The following OR6C75 variants were observed in gnomAD, a reference collection of about 807,000 sequenced individuals.
OR6C75 encodes olfactory receptor family 6 subfamily C member 75.
For synonymous variants in OR6C75, 149 were observed against 130.6 expected (o/e 1.14, Z -0.96); for missense variants, 380 against 368.0 (o/e 1.03, Z -0.27).
Position 55,365,618 on chromosome 12 carries a change from A to G in OR6C75, c.508A>G (p.Asn170Asp), listed in dbSNP as rs1388225260. The change falls in exon 3 of 3, where the codon AAT becomes GAT. Residue 170 changes from asparagine to aspartate, a missense_variant. Transcript: ENST00000641576. ...GCTGCAGTTGGATTTCTGTGCCTCC[A>G]ATGTAATTGATCATTTTATCTGTGA... ...LLLQLDFCAS[N>D]VIDHFICDSS... 5.0e-6 allele frequency: 8 copies of G among 1,614,016 alleles called. No individual in the cohort carries two copies. Among genetic ancestry groups the G allele is most frequent in the Non-Finnish European group, 6.8e-6 (8 of 1,180,006 alleles).
At chr12:55,364,676 A>G (rs979763435) in intron 2 of OR6C75, among the ~76,000 whole-genome samples, 200 bp from the exon 3 acceptor site, 2 of 152,044 alleles carry the variant, frequency 1.3e-5, no homozygotes, top group Non-Finnish European at 1.5e-5. Context: ...TAATCTTTCT[A>G]TATGTGTATA....
chr12:55,366,718 G>C lies in OR6C75; in HGVS notation c.*669G>C, dbSNP rs1208204272. The C allele has an allele frequency of 2.0e-5, 3 of 152,056 alleles. No individual in the cohort carries two copies. The highest frequency in any genetic ancestry group is 2.9e-5 in the Non-Finnish European group (2 of 67,990). 9.4% of individuals were successfully genotyped at this position (152,056 alleles called of 1,614,324 possible). On this transcript the variant is annotated 3_prime_UTR_variant, in exon 3 of 3. Transcript: ENST00000641576. ...TAAAAGTGTAAGACAAATGTGCAGA[G>C]ATATTATCTCTGTTGTTTGAATTAA...
rs932824253 is a variant in OR6C75, at chr12:55,362,977, C to T, written c.-398C>T. ...ATCATTTCTTCTTACCTATCAAGCTCGGAAAGCCACTACATTAGCCTTCAT... is the reference window on the plus strand; with the variant it reads ...ATCATTTCTTCTTACCTATCAAGCTTGGAAAGCCACTACATTAGCCTTCAT... On this transcript the variant is annotated 5_prime_UTR_variant, in exon 1 of 3. Transcript: ENST00000641576. 6.6e-6 allele frequency: 1 copy of T among 152,068 alleles called. No homozygotes were observed. The highest frequency in any genetic ancestry group is 2.4e-5 in the African/African-American group (1 of 41,400). The allele number at this position is 152,068 out of a possible 1,614,324, so 9.4% of individuals were successfully genotyped here.
chr12:55,364,118 AC>A (rs1413531202), intron 2 of OR6C75, among the ~76,000 whole-genome samples: 1 of 150,250 alleles, frequency 6.7e-6, no homozygotes, highest in Non-Finnish European at 1.5e-5. Flanking sequence ...AGCTGGGACT[AC>A]AGGCGTGCGT....
At position 55,366,105 on chromosome 12, in the gene OR6C75, A is replaced by T; in HGVS notation, c.*56A>T. 1 of 1,003,996 alleles carries T rather than the reference A, an allele frequency of 1.0e-6. No homozygotes were observed. The highest frequency in any genetic ancestry group is 1.5e-6 in the Non-Finnish European group (1 of 685,068). The allele number at this position is 1,003,996 out of a possible 1,614,324, so 62.2% of individuals were successfully genotyped here. A position where few individuals can be genotyped will look rare whatever the true frequency, so the allele number is the denominator to read the frequency against. On this transcript the variant is annotated 3_prime_UTR_variant, in exon 3 of 3. Coordinates refer to ENST00000641576, the MANE Select transcript of OR6C75 (RefSeq NM_001005497.2). ...GGCAAAGCTGAATGAAAAACTCTCT[A>T]CCCTTCTCTACATGAACTCTTTCTA...
chr12:55,366,042 AT>A lies in OR6C75; in HGVS notation c.933del (p.Asn311LysfsTer30), dbSNP rs770935421. ...SMVQKMIFSL[N>X]K ...GTCCAGAAGATGATTTTTTCTTTAA[AT>A]AAATGAATGTGATTATGTAAAAAAT... On this transcript the variant is annotated frameshift_variant, in exon 3 of 3. Transcript: ENST00000641576. LOFTEE classifies it high-confidence loss of function. The A allele has an allele frequency of 1.3e-6, 2 of 1,554,798 alleles. No homozygotes were observed. Among genetic ancestry groups the A allele is most frequent in the South Asian group, 2.4e-5 (2 of 82,066 alleles).
chr12:55,365,060 T>C lies in OR6C75; in HGVS notation c.-51T>C. 7.9e-7 allele frequency: 1 copy of C among 1,266,258 alleles called. No homozygotes were observed. Among genetic ancestry groups the C allele is most frequent in the Non-Finnish European group, 1.1e-6 (1 of 898,366 alleles). 78.4% of individuals were successfully genotyped at this position (1,266,258 alleles called of 1,614,324 possible). On this transcript the variant is annotated 5_prime_UTR_variant, in exon 3 of 3. Transcript: ENST00000641576. ...ACTGGTGTCATAGTTTTCTGGTTTC[T>C]TCACCTATTTTACAGCGAAAATACA...
chr12:55,365,521 A>G lies in OR6C75; in HGVS notation c.411A>G (p.Arg137=). 6.2e-7 allele frequency: 1 copy of G among 1,614,002 alleles called. No homozygotes were observed. Among genetic ancestry groups the G allele is most frequent in the Non-Finnish European group, 8.5e-7 (1 of 1,179,974 alleles). ...PLHYTIIMST[R]VCTLLVFSSW... ...ATTACACAATCATCATGAGCACCAGAGTGTGTACCCTTCTTGTCTTTAGCT... is the reference window on the plus strand; with the variant it reads ...ATTACACAATCATCATGAGCACCAGGGTGTGTACCCTTCTTGTCTTTAGCT... The change falls in exon 3 of 3, where the codon AGA becomes AGG. Residue 137 remains arginine (R), a synonymous_variant. Coordinates refer to ENST00000641576, the MANE Select transcript of OR6C75 (RefSeq NM_001005497.2).
rs1214271797 is a variant in OR6C75 at position 55,367,325 on chromosome 12, C to T, written c.*1276C>T. 6.6e-6 allele frequency: 1 copy of T among 152,096 alleles called. No homozygotes were observed. The highest frequency in any genetic ancestry group is 2.4e-5 in the African/African-American group (1 of 41,420). 9.4% of individuals were successfully genotyped at this position (152,096 alleles called of 1,614,324 possible). A position where few individuals can be genotyped will look rare whatever the true frequency, so the allele number is the denominator to read the frequency against. ...CACCACGATCAAGTGGGCTTTAAAC[C>T]TGGATGCAAGGATGGTTTAACATAC... On this transcript the variant is annotated 3_prime_UTR_variant, in exon 3 of 3. Coordinates refer to ENST00000641576, the MANE Select transcript of OR6C75 (RefSeq NM_001005497.2).
In OR6C75 at chr12:55,365,151, G is replaced by C; in HGVS notation, c.41G>C (p.Gly14Ala). Residue 14 changes from glycine to alanine, a missense_variant, in exon 3 of 3, where the codon GGA (glycine) becomes GCA (alanine). Gly to Ala is a moderately conservative substitution (Grantham distance 60). Coordinates refer to ENST00000641576, the MANE Select transcript of OR6C75 (RefSeq NM_001005497.2). ...GCAGTAACAGACTTTATTCTTCTTG[G>C]ATTGACAAGTGACCCACAGTGGCAG... ...STAVTDFILLGLTSDPQWQVV... is the reference protein window; with the variant it reads ...STAVTDFILLALTSDPQWQVV... 6.2e-7 allele frequency: 1 copy of C among 1,612,870 alleles called. No individual in the cohort carries two copies. Among genetic ancestry groups the C allele is most frequent in the Non-Finnish European group, 8.5e-7 (1 of 1,179,620 alleles).
chr12:55,365,659 G>A lies in OR6C75; in HGVS notation c.549G>A (p.Leu183=), dbSNP rs553831468. ...TTATCTGTGACTCTTCTCCAATGCTGCAGCTCTCTTGCACAAACACTCACT... is the reference window on the plus strand; with the variant it reads ...TTATCTGTGACTCTTCTCCAATGCTACAGCTCTCTTGCACAAACACTCACT... ...DHFICDSSPM[L]QLSCTNTHFL... The change falls in exon 3 of 3, where the codon CTG becomes CTA. Residue 183 remains leucine, a synonymous_variant. Transcript: ENST00000641576. 6.8e-6 allele frequency: 11 copies of A among 1,613,912 alleles called. No homozygotes were observed. The highest frequency in any genetic ancestry group is 9.3e-6 in the Non-Finnish European group (11 of 1,180,016).
rs1203015051 is a variant in OR6C75 at position 55,364,915 on chromosome 12, AT to A, written c.-195del. 3 of 571,486 alleles carry A rather than the reference AT, an allele frequency of 5.2e-6. No individual in the cohort carries two copies. Among genetic ancestry groups the A allele is most frequent in the African/African-American group, 3.8e-5 (2 of 52,384 alleles). The allele number at this position is 571,486 out of a possible 1,614,324, so 35.4% of individuals were successfully genotyped here. ...GGATAGCTAGACACAATGGAATGTT[AT>A]CCAGCCTCATAAAAGAAGGAGATAC... On this transcript the variant is annotated 5_prime_UTR_variant, in exon 3 of 3. It introduces an in-frame stop codon into an upstream open reading frame of the 5' UTR. Coordinates refer to ENST00000641576, the MANE Select transcript of OR6C75 (RefSeq NM_001005497.2).
rs199638860 is a variant in OR6C75, at chr12:55,365,469, G to A, written c.359G>A (p.Arg120His). ...CTTCTGGCTGCCATGTCCTATGACC[G>A]CTGCATGGCCATCTGCAAACCTCTT... ...FYLLAAMSYD[R>H]CMAICKPLHY... is the part of the protein sequence containing the mutation. Residue 120 changes from arginine to histidine, a missense_variant, in exon 3 of 3, where the codon CGC becomes CAC. Physicochemically the swap from Arg to His is conservative, Grantham distance 29. Coordinates refer to ENST00000641576, the MANE Select transcript of OR6C75 (RefSeq NM_001005497.2). 38 of 1,613,796 alleles carry A rather than the reference G, an allele frequency of 2.4e-5. No homozygotes were observed. The highest frequency in any genetic ancestry group is 6.7e-5 in the East Asian group (3 of 44,886).
In OR6C75 at chr12:55,368,139, T is replaced by A. The variant is rs1869844693; in HGVS notation, c.*2090T>A. On this transcript the variant is annotated 3_prime_UTR_variant, in exon 3 of 3. Coordinates refer to ENST00000641576, the MANE Select transcript of OR6C75 (RefSeq NM_001005497.2). ...CTGCAGTGAGCTCTCATCATGCCAC[T>A]GCACTCCACCCTGGACAACAGAGTG... 6.6e-6 allele frequency: 1 copy of A among 152,124 alleles called. No individual in the cohort carries two copies. The highest frequency in any genetic ancestry group is 2.4e-5 in the African/African-American group (1 of 41,380). The allele number at this position is 152,124 out of a possible 1,614,324, so 9.4% of individuals were successfully genotyped here.
At position 55,366,876 on chromosome 12, in the gene OR6C75, C is replaced by A. The variant is rs1869817564; in HGVS notation, c.*827C>A. On this transcript the variant is annotated 3_prime_UTR_variant, in exon 3 of 3. Transcript: ENST00000641576. ...ATAGATTATTTAACAGAGAACTTTT[C>A]TGTTTCTGCCAATATTTTAAAAGAA... The A allele has an allele frequency of 6.6e-6, 1 of 152,022 alleles. No individual in the cohort carries two copies. The highest frequency in any genetic ancestry group is 6.6e-5 in the Admixed American group (1 of 15,242). 9.4% of individuals were successfully genotyped at this position (152,022 alleles called of 1,614,324 possible). A position where few individuals can be genotyped will look rare whatever the true frequency, so the allele number is the denominator to read the frequency against.
rs1416850285 is a variant in OR6C75, at chr12:55,368,569, A to T, written c.*2520A>T. ...AGCCAAGATTGCACCACTGCACTCCAGCCTGGGCGATAGAGCGAAACTCTA... is the reference window on the plus strand; with the variant it reads ...AGCCAAGATTGCACCACTGCACTCCTGCCTGGGCGATAGAGCGAAACTCTA... On this transcript the variant is annotated 3_prime_UTR_variant, in exon 3 of 3. Transcript: ENST00000641576. 6.6e-6 allele frequency: 1 copy of T among 152,244 alleles called. No individual in the cohort carries two copies. The highest frequency in any genetic ancestry group is 1.5e-5 in the Non-Finnish European group (1 of 68,046). The allele number at this position is 152,244 out of a possible 1,614,324, so 9.4% of individuals were successfully genotyped here. A position where few individuals can be genotyped will look rare whatever the true frequency, so the allele number is the denominator to read the frequency against.
At position 55,367,058 on chromosome 12, in the gene OR6C75, G is replaced by A. The variant is rs986523340; in HGVS notation, c.*1009G>A. ...TAAGGTATTCGGCGAATGATGACGT[G>A]GTTTATTAATGTCTTGGTTTTTCCT... On this transcript the variant is annotated 3_prime_UTR_variant, in exon 3 of 3. Transcript: ENST00000641576. 9.2e-5 allele frequency: 14 copies of A among 151,846 alleles called. No homozygotes were observed. Among genetic ancestry groups the A allele is most frequent in the African/African-American group, 3.4e-4 (14 of 41,334 alleles). 9.4% of individuals were successfully genotyped at this position (151,846 alleles called of 1,614,324 possible). A position where few individuals can be genotyped will look rare whatever the true frequency, so the allele number is the denominator to read the frequency against.
chr12:55,366,098 A>C lies in OR6C75; in HGVS notation c.*49A>C. 1 of 1,095,852 alleles carries C rather than the reference A, an allele frequency of 9.1e-7. No individual in the cohort carries two copies. Among genetic ancestry groups the C allele is most frequent in the Non-Finnish European group, 1.3e-6 (1 of 765,158 alleles). 67.9% of individuals were successfully genotyped at this position (1,095,852 alleles called of 1,614,324 possible). ...CCCCAAAGGCAAAGCTGAATGAAAA[A>C]CTCTCTACCCTTCTCTACATGAACT... On this transcript the variant is annotated 3_prime_UTR_variant, in exon 3 of 3. Transcript: ENST00000641576.
In OR6C75 at chr12:55,365,037, T is replaced by C. The variant is rs1199079139; in HGVS notation, c.-74T>C. ...GAAAAAAAATAATAATTTTCTTTAC[T>C]GGTGTCATAGTTTTCTGGTTTCTTC... On this transcript the variant is annotated 5_prime_UTR_variant, in exon 3 of 3. Coordinates refer to ENST00000641576, the MANE Select transcript of OR6C75 (RefSeq NM_001005497.2). 1 of 937,642 alleles carries C rather than the reference T, an allele frequency of 1.1e-6. No individual in the cohort carries two copies. Among genetic ancestry groups the C allele is most frequent in the Non-Finnish European group, 1.6e-6 (1 of 610,988 alleles). 58.1% of individuals were successfully genotyped at this position (937,642 alleles called of 1,614,324 possible). A position where few individuals can be genotyped will look rare whatever the true frequency, so the allele number is the denominator to read the frequency against.
Sources: gnomAD v4.1 joint callset for allele counts (sites outside exome capture counted in the v4.1 genomes callset) on GRCh38, gnomAD v4.1.1 for gene constraint, MANE v1.5 for transcripts, NCBI Gene and HGNC (gene_info 2026-07-23, HGNC 2026-07-21) for gene names.